Variants in RABGAP1L observed in about 807,000 individuals in gnomAD.
RABGAP1L encodes RAB GTPase activating protein 1 like.
A neutral mutation model predicts 137.7 loss-of-function variants in RABGAP1L; 63 were observed. The ratio of observed to expected loss-of-function variants is 0.46; its 90% CI spans 0.37 to 0.56. RABGAP1L has a LOEUF of 0.56. Among genes scored for constraint, RABGAP1L ranks in the 20% least tolerant of loss-of-function variants. The pLI is 0.00. For synonymous variants in RABGAP1L, 431 were observed against 433.7 expected (o/e 0.99, Z 0.08); for missense variants, 1,095 against 1,244.0 (o/e 0.88, Z 1.80).
intron 5 of RABGAP1L, among the ~76,000 whole-genome samples, chr1:174,247,788 C>G (rs981917322): frequency 6.6e-6 from 1 of 152,320 alleles, no homozygotes; most frequent in African/African-American, 2.4e-5. Context: ...TCAGACATCA[C>G]GTCCTCCAGC....
At chr1:174,373,193 G>A (rs1685247643) in intron 12 of RABGAP1L, among the ~76,000 whole-genome samples, 3 of 152,178 alleles carry the variant, frequency 2.0e-5, no homozygotes, top group Admixed American at 2.0e-4. Flanking sequence ...AATGTGGGAT[G>A]GAGAGCGGCA....
chr1:174,717,152 G>A (rs1681086623), intron 17 of RABGAP1L, among the ~76,000 whole-genome samples: 1 of 152,208 alleles, frequency 6.6e-6, no homozygotes, highest in Admixed American at 6.5e-5. Flanking sequence ...GCTCAGGCCT[G>A]TAATTCCAGC....
chr1:174,836,939 G>T (rs1179724616), intron 19 of RABGAP1L, among the ~76,000 whole-genome samples: 3 of 152,240 alleles, frequency 2.0e-5, no homozygotes, highest in Non-Finnish European at 4.4e-5. Flanking sequence ...GGGCGCAGTG[G>T]CTCATGCCTG....
chr1:174,361,225 GTTTTTTT>G (rs376884093), intron 11 of RABGAP1L, among the ~76,000 whole-genome samples: 4 of 133,302 alleles, frequency 3.0e-5, no homozygotes, highest in Non-Finnish European at 4.9e-5. Context: ...CTCCAGTTTT[GTTTTTTT>G]TTTTTTTTGC....
intron 19 of RABGAP1L, among the ~76,000 whole-genome samples, chr1:174,885,043 G>A (rs964295560): frequency 6.6e-6 from 1 of 152,072 alleles, no homozygotes; most frequent in Non-Finnish European, 1.5e-5. Context: ...TATGACTTTG[G>A]GCAGATTACT....
intron 19 of RABGAP1L, among the ~76,000 whole-genome samples, chr1:174,850,458 G>T (rs1384738376): frequency 6.6e-6 from 1 of 152,158 alleles, no homozygotes; most frequent in African/African-American, 2.4e-5. Context: ...GCTTTTTCCT[G>T]TATATCTTTT....
chr1:174,479,590 GC>G (rs1658869900), intron 13 of RABGAP1L, among the ~76,000 whole-genome samples: 2 of 152,216 alleles, frequency 1.3e-5, no homozygotes, highest in Admixed American at 6.5e-5. Context: ...ACAGTGAAAA[GC>G]CCATCTGAAA....
chr1:174,769,943 G>T, intron 18 of RABGAP1L, among the ~76,000 whole-genome samples: 1 of 152,198 alleles, frequency 6.6e-6, no homozygotes, highest in East Asian at 1.9e-4. Flanking sequence ...TGGGTTAAAA[G>T]TTCTTGTTTC....
chr1:174,884,351 A>G (rs1654739548), intron 19 of RABGAP1L, among the ~76,000 whole-genome samples: 1 of 152,216 alleles, frequency 6.6e-6, no homozygotes, highest in South Asian at 2.1e-4. Flanking sequence ...CAAAATTCAG[A>G]GCAATTCCAT....
At chr1:174,628,080 G>C (rs1673050876) in intron 13 of RABGAP1L, among the ~76,000 whole-genome samples, 2 of 152,098 alleles carry the variant, frequency 1.3e-5, no homozygotes, top group South Asian at 4.1e-4. Context: ...GGACATATTT[G>C]TGTACATCTT....
intron 13 of RABGAP1L, among the ~76,000 whole-genome samples, chr1:174,620,440 G>C (rs1047869736): frequency 2.0e-5 from 3 of 152,138 alleles, no homozygotes; most frequent in Non-Finnish European, 4.4e-5. Flanking sequence ...CTGTCTCTCA[G>C]ACCACAGTGC....
At chr1:174,443,701 CT>C (rs770582652) in intron 13 of RABGAP1L, among the ~76,000 whole-genome samples, 1 of 151,982 alleles carries the variant, frequency 6.6e-6, no homozygotes, top group Non-Finnish European at 1.5e-5. Flanking sequence ...TCCTGTTTGT[CT>C]ATTTTTGTTT....
At chr1:174,750,303 A>G (rs886897988) in intron 17 of RABGAP1L, among the ~76,000 whole-genome samples, 3 of 152,070 alleles carry the variant, frequency 2.0e-5, no homozygotes, top group Non-Finnish European at 4.4e-5. Flanking sequence ...CCTGAACTCC[A>G]AAGGGAGGAG....
intron 18 of RABGAP1L, among the ~76,000 whole-genome samples, chr1:174,804,219 A>C (rs1689027476): frequency 6.6e-6 from 1 of 151,464 alleles, no homozygotes; most frequent in South Asian, 2.1e-4. Flanking sequence ...GCTTATATTC[A>C]AAATCTCCCC....
chr1:174,911,068 C>T (rs764909333), intron 19 of RABGAP1L, among the ~76,000 whole-genome samples: 4 of 152,102 alleles, frequency 2.6e-5, no homozygotes, highest in East Asian at 1.9e-4. Flanking sequence ...TATCTTTTCT[C>T]GTGCTTATTA....
chr1:174,507,924 A>G (rs1661980192), intron 13 of RABGAP1L, among the ~76,000 whole-genome samples: 1 of 152,118 alleles, frequency 6.6e-6, no homozygotes, highest in Non-Finnish European at 1.5e-5. Context: ...TATTCTCTAC[A>G]GGGTAGTGTT....
At chr1:174,520,763 G>A (rs1172705167) in intron 13 of RABGAP1L, among the ~76,000 whole-genome samples, 1 of 152,178 alleles carries the variant, frequency 6.6e-6, no homozygotes, top group Non-Finnish European at 1.5e-5. Context: ...AGCACTTTGG[G>A]AGGCTGAGGC....
intron 18 of RABGAP1L, among the ~76,000 whole-genome samples, chr1:174,794,009 T>G (rs1688056804): frequency 6.6e-6 from 1 of 152,174 alleles, no homozygotes; most frequent in African/African-American, 2.4e-5. Flanking sequence ...GAATCAAGAC[T>G]TGAATGAAAG....
At chr1:174,853,772 C>T (rs910001682) in intron 19 of RABGAP1L, among the ~76,000 whole-genome samples, 4 of 152,110 alleles carry the variant, frequency 2.6e-5, no homozygotes, top group African/African-American at 9.7e-5. Flanking sequence ...AGCTTTGTTC[C>T]AAAGCCCAAA....
Sources: allele counts gnomAD v4.1 joint callset (sites outside exome capture counted in the v4.1 genomes callset), GRCh38; gene constraint gnomAD v4.1.1; transcripts MANE v1.5; gene names NCBI Gene and HGNC (gene_info 2026-07-23, HGNC 2026-07-21).